The following ACVR1C variants were observed in gnomAD, a reference collection of about 807,000 sequenced individuals.
ACVR1C encodes activin A receptor type 1C.
Under a neutral mutation model 57.9 loss-of-function variants are expected in ACVR1C, and 23 were observed. The observed-to-expected ratio is 0.40, with a 90% confidence interval of 0.29 to 0.56. The LOEUF (loss-of-function observed/expected upper bound fraction) is 0.56. Among genes scored for constraint, ACVR1C ranks in the 20% least tolerant of loss-of-function variants. ACVR1C has a pLI of 0.50. For missense variants in ACVR1C, 480 were observed against 607.9 expected (o/e 0.79, Z 2.21); for synonymous variants, 214 against 215.3 (o/e 0.99, Z 0.05).
At chr2:157,551,759 T>C (rs1687928506) in intron 3 of ACVR1C, among the ~76,000 whole-genome samples, 1 of 152,206 alleles carries the variant, frequency 6.6e-6, no homozygotes, top group Non-Finnish European at 1.5e-5. Flanking sequence ...CTCAGACAGC[T>C]AGGGAACCCT....
rs563361055 is a variant in ACVR1C, at chr2:157,528,526, T to C, written c.*5392A>G. 1 of 152,246 alleles carries C rather than the reference T, an allele frequency of 6.6e-6. No individual in the cohort carries two copies. Among genetic ancestry groups the C allele is most frequent in the South Asian group, 2.1e-4 (1 of 4,824 alleles). 9.4% of individuals were successfully genotyped at this position (152,246 alleles called of 1,614,324 possible). The stretch of plus-strand genomic sequence containing the variant: ...AAGTATGCTGGCAGTTCTATTATTG[T>C]TAGGGGAATTTTAAAATAGGGATTG... On this transcript the variant is annotated 3_prime_UTR_variant, in exon 9 of 9. Transcript: ENST00000243349.
At chr2:157,603,829 A>G (rs1435198878) in intron 1 of ACVR1C, among the ~76,000 whole-genome samples, 2 of 152,152 alleles carry the variant, frequency 1.3e-5, no homozygotes, top group African/African-American at 2.4e-5. Flanking sequence ...TTACTTTCAA[A>G]GAAGTTATAA....
chr2:157,541,034 C>A, intron 7 of ACVR1C, 56 bp downstream of exon 7: 1 of 1,569,168 alleles, frequency 6.4e-7, no homozygotes, highest in African/African-American at 1.4e-5. Flanking sequence ...AATATCACAT[C>A]TTGTATTCAG....
intron 3 of ACVR1C, 113 bp downstream of exon 3, chr2:157,555,980 T>C: frequency 8.0e-7 from 1 of 1,252,814 alleles, no homozygotes; most frequent in Non-Finnish European, 1.1e-6. Flanking sequence ...GCTCACCATG[T>C]ATCCTTTCAA....
chr2:157,587,492 T>C (rs1408745453), intron 1 of ACVR1C, 75 bp from the exon 2 acceptor site: 3 of 1,119,102 alleles, frequency 2.7e-6, no homozygotes, highest in Non-Finnish European at 3.9e-6. Context: ...CCTGGGAATA[T>C]AAATTCAATC....
intron 2 of ACVR1C, among the ~76,000 whole-genome samples, chr2:157,572,873 A>T (rs990241272): frequency 5.9e-5 from 9 of 152,104 alleles, no homozygotes; most frequent in African/African-American, 1.9e-4. Flanking sequence ...GTCCCCAGAG[A>T]GTGAGCTATA....
intron 4 of ACVR1C, among the ~76,000 whole-genome samples, chr2:157,549,829 C>CAAA (rs1173469291): frequency 5.9e-4 from 28 of 47,536 alleles, no homozygotes; most frequent in Admixed American, 1.0e-3. Flanking sequence ...ACTAAAAATA[C>CAAA]AAAAAAAAAA....
intron 2 of ACVR1C, among the ~76,000 whole-genome samples, chr2:157,566,342 T>C (rs1167069991): frequency 6.6e-6 from 1 of 152,126 alleles, no homozygotes. Flanking sequence ...CTATGCTAGC[T>C]AGTGGGAATG....
At chr2:157,605,369 A>G (rs548965471) in intron 1 of ACVR1C, among the ~76,000 whole-genome samples, 12 of 151,704 alleles carry the variant, frequency 7.9e-5, no homozygotes, top group Non-Finnish European at 1.6e-4. Flanking sequence ...GGGTATTCTC[A>G]TTCCTTTGCC....
At chr2:157,625,602 G>A (rs1284588156) in intron 1 of ACVR1C, among the ~76,000 whole-genome samples, 1 of 141,818 alleles carries the variant, frequency 7.1e-6, no homozygotes, top group Non-Finnish European at 1.5e-5. Context: ...GGGTGAGGGG[G>A]TGCAGAGGGG....
In ACVR1C at chr2:157,536,659, A is replaced by G. The variant is rs141362376; in HGVS notation, c.1356+1914T>C. On this transcript the variant is annotated intron_variant, in intron 8 of 8. Transcript: ENST00000243349. ...GTCTTCTCTAAAAAAATTAAATAAAATACTTTTAAAGGATTCACATCAGGA... is the reference window on the plus strand; with the variant it reads ...GTCTTCTCTAAAAAAATTAAATAAAGTACTTTTAAAGGATTCACATCAGGA... Among the ~76,000 whole-genome samples, 68 of 152,306 alleles carry G rather than the reference A, an allele frequency of 4.5e-4. 2 individuals carry two copies. The highest frequency in any genetic ancestry group is 1.6e-3 in the African/African-American group (66 of 41,586).
Position 157,574,072 on chromosome 2 carries a change from T to C in ACVR1C, c.304+13115A>G, listed in dbSNP as rs189868737. Among the ~76,000 whole-genome samples the C allele has an allele frequency of 2.6e-5, 4 of 152,338 alleles. No individual in the cohort carries two copies. The East Asian group carries it at 7.7e-4, about 29-fold the overall frequency. On this transcript the variant is annotated intron_variant, in intron 2 of 8. Transcript: ENST00000243349. The stretch of plus-strand genomic sequence containing the variant: ...ATTCAGCTTCGGCCAACTGATAGCA[T>C]GAGACTTCAAGGATGTCATATCTTC...
chr2:157,543,741 T>C (rs1573906410), intron 5 of ACVR1C, among the ~76,000 whole-genome samples: 2 of 152,178 alleles, frequency 1.3e-5, no homozygotes, highest in East Asian at 3.8e-4. Flanking sequence ...AGGTACTATT[T>C]AGCTTCAAGT....
rs1010076872 is a variant in ACVR1C, at chr2:157,538,518, C to T, written c.1356+55G>A. 28 of 1,436,822 alleles carry T rather than the reference C, an allele frequency of 1.9e-5. No homozygotes were observed. In the South Asian group the frequency reaches 2.3e-4, roughly 12 times the overall value. The allele number at this position is 1,436,822 out of a possible 1,614,324, so 89.0% of individuals were successfully genotyped here. ...CTATATGGTCTCTGAAAAGTCTCCC[C>T]GATACTCACCTCAAAAATATAATAA... On this transcript the variant is annotated intron_variant, in intron 8 of 8. Coordinates refer to ENST00000243349, the MANE Select transcript of ACVR1C (RefSeq NM_145259.3).
At chr2:157,535,786 AAAAT>A (rs1283400156) in intron 8 of ACVR1C, among the ~76,000 whole-genome samples, 1 of 152,212 alleles carries the variant, frequency 6.6e-6, no homozygotes, top group Non-Finnish European at 1.5e-5. Flanking sequence ...CTGCCTCAAA[AAAAT>A]AAATAAATAA....
intron 2 of ACVR1C, among the ~76,000 whole-genome samples, chr2:157,581,826 A>C (rs527972849): frequency 1.3e-5 from 2 of 152,362 alleles, no homozygotes; most frequent in Admixed American, 1.3e-4. Flanking sequence ...CAAGTACTGT[A>C]GAAATATCAC....
chr2:157,588,356 T>C (rs1208198683), intron 1 of ACVR1C, among the ~76,000 whole-genome samples: 1 of 151,938 alleles, frequency 6.6e-6, no homozygotes, highest in East Asian at 1.9e-4. Context: ...GCCTAGTGGT[T>C]GAGTTATTTA....
intron 7 of ACVR1C, among the ~76,000 whole-genome samples, chr2:157,540,165 CAACT>C (rs1347251600): frequency 1.3e-5 from 2 of 152,060 alleles, no homozygotes; most frequent in African/African-American, 4.8e-5. Context: ...GAGAAAATTA[CAACT>C]AAGTAACTTG....
At chr2:157,612,081 G>A (rs1433544759) in intron 1 of ACVR1C, among the ~76,000 whole-genome samples, 2 of 152,192 alleles carry the variant, frequency 1.3e-5, no homozygotes, top group Admixed American at 6.5e-5. Context: ...AATGTGTGGG[G>A]AGCCTGTATT....
Sources: allele counts gnomAD v4.1 joint callset (sites outside exome capture counted in the v4.1 genomes callset), GRCh38; gene constraint gnomAD v4.1.1; transcripts MANE v1.5; gene names NCBI Gene and HGNC (gene_info 2026-07-23, HGNC 2026-07-21).